The following RORA variants were observed in gnomAD, a reference collection of about 807,000 sequenced individuals.
RORA encodes the protein nuclear receptor ROR-alpha.
In RORA, 7 loss-of-function variants were observed where a neutral mutation model predicts 69.5. The ratio of observed to expected loss-of-function variants is 0.10; its 90% confidence interval spans 0.06 to 0.19. The LOEUF is 0.19. Among genes scored for constraint, RORA ranks in the 10% least tolerant of loss-of-function variants. The probability of loss-of-function intolerance (pLI) is 1.00; values close to 1 mark genes in which losing one functional copy is unlikely to be tolerated. For synonymous variants in RORA, 261 were observed against 240.8 expected (o/e 1.08, Z -0.78); for missense variants, 457 against 663.0 (o/e 0.69, Z 3.41).
intron 2 of RORA, among the ~76,000 whole-genome samples, chr15:60,577,672 A>G (rs2068067167): frequency 6.6e-6 from 1 of 151,238 alleles, no homozygotes; most frequent in Non-Finnish European, 1.5e-5. Context: ...AGCTGCAAAC[A>G]GCTTTTGTTT....
intron 1 of RORA, among the ~76,000 whole-genome samples, chr15:60,852,993 A>G (rs1231159695): frequency 6.6e-6 from 1 of 152,182 alleles, no homozygotes; most frequent in African/African-American, 2.4e-5. Flanking sequence ...TGCCGGTAAT[A>G]TCCTTTGTGT....
At position 60,886,859 on chromosome 15, in the gene RORA, T is replaced by G. The variant is rs192281793; in HGVS notation, c.167-208173A>C. On this transcript the variant is annotated intron_variant, in intron 1 of 10. Coordinates refer to ENST00000335670, the MANE Select transcript of RORA (RefSeq NM_134261.3). ...TGGTTTGGCACACCTGCTAAGAGTTTGTGGCATAGACTTGGAAGACGACTG... is the reference window on the plus strand; with the variant it reads ...TGGTTTGGCACACCTGCTAAGAGTTGGTGGCATAGACTTGGAAGACGACTG... Among the ~76,000 whole-genome samples, 10 of 152,312 alleles carry G rather than the reference T, an allele frequency of 6.6e-5. 2 individuals carry two copies. The East Asian group carries it at 1.7e-3, about 26-fold the overall frequency.
At chr15:61,005,606 A>G (rs1894886669) in intron 1 of RORA, among the ~76,000 whole-genome samples, 2 of 152,246 alleles carry the variant, frequency 1.3e-5, no homozygotes, top group South Asian at 4.1e-4. Context: ...ATATGTATAT[A>G]TACATACACA....
At chr15:60,708,983 A>G (rs2071106600) in intron 1 of RORA, among the ~76,000 whole-genome samples, 1 of 152,190 alleles carries the variant, frequency 6.6e-6, no homozygotes. Flanking sequence ...ATAGCTAGCA[A>G]AGAATACGTG....
At chr15:61,027,612 G>A (rs776435902) in intron 1 of RORA, among the ~76,000 whole-genome samples, 17 of 152,148 alleles carry the variant, frequency 1.1e-4, no homozygotes, top group African/African-American at 2.4e-4. Context: ...CTTGGGCCAC[G>A]TCCTCTGCTC....
intron 1 of RORA, among the ~76,000 whole-genome samples, chr15:60,754,908 T>C (rs796591631): frequency 2.0e-5 from 3 of 152,060 alleles, no homozygotes; most frequent in African/African-American, 7.2e-5. Context: ...GGGTTGTGTA[T>C]GCTCAGTCTG....
Position 61,071,926 on chromosome 15 carries a change from G to C in RORA, c.166+157127C>G, listed in dbSNP as rs556889382. 1.3e-4 allele frequency among the ~76,000 whole-genome samples: 20 copies of C among 152,202 alleles called. No homozygotes were observed. In the South Asian group the frequency reaches 3.9e-3, roughly 30 times the overall value. On this transcript the variant is annotated intron_variant, in intron 1 of 10. Coordinates refer to ENST00000335670, the MANE Select transcript of RORA (RefSeq NM_134261.3). Reference sequence around the variant, plus strand: ...TGGGACAGGGTATAGTGAATGAGTAGAGATGGGGTAGAGGGAGGATACTCA... The same window carrying C: ...TGGGACAGGGTATAGTGAATGAGTACAGATGGGGTAGAGGGAGGATACTCA...
chr15:60,915,395 G>GT (rs1191409399), intron 1 of RORA, among the ~76,000 whole-genome samples: 2 of 152,222 alleles, frequency 1.3e-5, no homozygotes, highest in Non-Finnish European at 2.9e-5. Flanking sequence ...CCACTGGGGG[G>GT]GCACAGGCCC....
intron 2 of RORA, among the ~76,000 whole-genome samples, chr15:60,668,174 C>T (rs1290036637): frequency 2.6e-5 from 4 of 152,156 alleles, no homozygotes; most frequent in Non-Finnish European, 4.4e-5. Flanking sequence ...CCTCACTCCA[C>T]GTAGATCAGT....
intron 1 of RORA, among the ~76,000 whole-genome samples, chr15:61,004,824 C>T (rs372626694): frequency 1.3e-5 from 2 of 152,120 alleles, no homozygotes; most frequent in South Asian, 2.1e-4. Context: ...CACTTATAAT[C>T]AAAGCTATGC....
At chr15:60,985,307 T>A (rs569594839) in intron 1 of RORA, among the ~76,000 whole-genome samples, 106 of 152,292 alleles carry the variant, frequency 7.0e-4, no homozygotes, top group Non-Finnish European at 1.2e-3. Flanking sequence ...GTTATTAGTA[T>A]CTTTGAGTGA....
chr15:60,740,496 T>C (rs1253834218), intron 1 of RORA, among the ~76,000 whole-genome samples: 1 of 152,216 alleles, frequency 6.6e-6, no homozygotes, highest in African/African-American at 2.4e-5. Flanking sequence ...AGTGAGGCTG[T>C]GTCCAAAGCT....
At chr15:61,135,081 G>C (rs1229613668) in intron 1 of RORA, among the ~76,000 whole-genome samples, 1 of 150,240 alleles carries the variant, frequency 6.7e-6, no homozygotes, top group Non-Finnish European at 1.5e-5. Context: ...GCTAAGGCAG[G>C]CAGATCGCTT....
intron 1 of RORA, among the ~76,000 whole-genome samples, chr15:60,713,219 T>C (rs1468754208): frequency 1.3e-5 from 2 of 152,264 alleles, no homozygotes; most frequent in Middle Eastern, 3.4e-3. Flanking sequence ...TCCCCCTTAG[T>C]AGGGTGTCCG....
chr15:61,207,075 C>T (rs1057180483), intron 1 of RORA, among the ~76,000 whole-genome samples: 1 of 138,208 alleles, frequency 7.2e-6, no homozygotes. Context: ...TCTGTGTATA[C>T]GTGTGTGTAT....
chr15:60,831,313 T>C (rs889020997), intron 1 of RORA, among the ~76,000 whole-genome samples: 3 of 152,126 alleles, frequency 2.0e-5, no homozygotes, highest in Non-Finnish European at 4.4e-5. Flanking sequence ...AAAGATGGGA[T>C]GGTATGCCTC....
chr15:61,208,258 G>A (rs2079959809), intron 1 of RORA, among the ~76,000 whole-genome samples: 1 of 152,180 alleles, frequency 6.6e-6, no homozygotes, highest in African/African-American at 2.4e-5. Context: ...TTATGACATA[G>A]ACAAACCCCC....
chr15:60,581,192 C>G (rs1223162888), intron 2 of RORA, among the ~76,000 whole-genome samples: 1 of 152,226 alleles, frequency 6.6e-6, no homozygotes, highest in East Asian at 1.9e-4. Flanking sequence ...TAAGCAGCCA[C>G]TGAAATTGCA....
chr15:60,944,694 C>CAAAAAAA (rs58523588), intron 1 of RORA, among the ~76,000 whole-genome samples: 1 of 96,426 alleles, frequency 1.0e-5, no homozygotes, highest in Non-Finnish European at 2.1e-5. Flanking sequence ...CACTGTACTC[C>CAAAAAAA]AAAAAAAAAA....
Sources: allele counts gnomAD v4.1 joint callset (sites outside exome capture counted in the v4.1 genomes callset), GRCh38; gene constraint gnomAD v4.1.1; transcripts MANE v1.5; gene names NCBI Gene and HGNC (gene_info 2026-07-23, HGNC 2026-07-21).